The following MAD1L1 variants were observed in gnomAD, a reference collection of about 807,000 sequenced individuals.
MAD1L1 encodes mitotic spindle assembly checkpoint protein MAD1.
In MAD1L1, 95 loss-of-function variants were observed where a neutral mutation model predicts 96.9. That is an observed-to-expected ratio of 0.98 (90% confidence interval 0.83 to 1.16). The LOEUF is 1.16. Ranked by LOEUF, MAD1L1 falls within the 50% of genes most tolerant of loss-of-function variation. The pLI, the probability that MAD1L1 is intolerant of heterozygous loss-of-function variation, is 0.00. For missense variants in MAD1L1, 1,007 were observed against 954.4 expected (o/e 1.06, Z -0.73); for synonymous variants, 473 against 396.6 (o/e 1.19, Z -2.29).
At chr7:1,864,071 C>T (rs1006183445) in intron 18 of MAD1L1, among the ~76,000 whole-genome samples, 1 of 152,176 alleles carries the variant, frequency 6.6e-6, no homozygotes, top group African/African-American at 2.4e-5. Flanking sequence ...CCAGCCTGGG[C>T]CCCGAGGAAA....
chr7:1,924,746 C>G (rs1484270562), intron 17 of MAD1L1, among the ~76,000 whole-genome samples: 1 of 152,022 alleles, frequency 6.6e-6, no homozygotes, highest in Non-Finnish European at 1.5e-5. Context: ...CAGTTAAGAG[C>G]AAGAATTGTA....
Position 2,050,092 on chromosome 7 carries a change from AG to A in MAD1L1, c.1218+19101del, listed in dbSNP as rs1784103042. On this transcript the variant is annotated intron_variant, in intron 12 of 18. Coordinates refer to ENST00000265854, the MANE Select transcript of MAD1L1 (RefSeq NM_001013836.2). ...CACACGTTCACGGGGCACCTCACCC[AG>A]CGTCTGCGGGCACCAGACCACACGT... Among the ~76,000 whole-genome samples the A allele has an allele frequency of 2.4e-5, 3 of 125,976 alleles. 1 individual carries two copies. The highest frequency in any genetic ancestry group is 8.8e-5 in the African/African-American group (3 of 33,908). 82.6% of individuals were successfully genotyped at this position (125,976 alleles called of 152,430 possible). A position where few individuals can be genotyped will look rare whatever the true frequency, so the allele number is the denominator to read the frequency against.
At chr7:1,829,871 T>G (rs1222074991) in intron 18 of MAD1L1, among the ~76,000 whole-genome samples, 1 of 152,064 alleles carries the variant, frequency 6.6e-6, no homozygotes, top group Non-Finnish European at 1.5e-5. Context: ...AAGATGAGAA[T>G]GACAGCAGAC....
chr7:2,069,109 C>T, intron 12 of MAD1L1, 85 bp downstream of exon 12: 1 of 1,441,294 alleles, frequency 6.9e-7, no homozygotes, highest in East Asian at 2.6e-5. Context: ...AGCACTCCTG[C>T]CTCCACAGTG....
chr7:1,880,715 C>G (rs924594241), intron 18 of MAD1L1, among the ~76,000 whole-genome samples: 1 of 152,268 alleles, frequency 6.6e-6, no homozygotes, highest in African/African-American at 2.4e-5. Context: ...CAGCAGAAAG[C>G]ACCCGGCCCC....
intron 10 of MAD1L1, among the ~76,000 whole-genome samples, chr7:2,208,860 C>G (rs1049471445): frequency 6.6e-6 from 1 of 152,130 alleles, no homozygotes; most frequent in African/African-American, 2.4e-5. Flanking sequence ...GTAAGTCACT[C>G]CCCGAGACAG....
chr7:1,990,619 C>T (rs994049454), intron 14 of MAD1L1, among the ~76,000 whole-genome samples: 1 of 152,264 alleles, frequency 6.6e-6, no homozygotes, highest in African/African-American at 2.4e-5. Context: ...TGCACCGCCC[C>T]TGGGATGAGG....
At chr7:1,895,830 C>T (rs1049956936) in intron 18 of MAD1L1, among the ~76,000 whole-genome samples, 1 of 152,234 alleles carries the variant, frequency 6.6e-6, no homozygotes, top group African/African-American at 2.4e-5. Flanking sequence ...GGGCCTTGGG[C>T]CAGGACAGGC....
At chr7:1,901,698 T>A (rs1416354321) in intron 17 of MAD1L1, among the ~76,000 whole-genome samples, 6 of 152,148 alleles carry the variant, frequency 3.9e-5, no homozygotes, top group African/African-American at 1.4e-4. Flanking sequence ...TTTTAGGCCC[T>A]CTCCGCTGAC....
At chr7:2,015,007 G>T (rs934402137) in intron 12 of MAD1L1, among the ~76,000 whole-genome samples, 4 of 152,226 alleles carry the variant, frequency 2.6e-5, no homozygotes, top group African/African-American at 9.6e-5. Flanking sequence ...GGCGCACAGT[G>T]GGCAGAAGCC....
At chr7:1,903,353 A>C (rs1381975301) in intron 17 of MAD1L1, among the ~76,000 whole-genome samples, 1 of 150,748 alleles carries the variant, frequency 6.6e-6, no homozygotes, top group Non-Finnish European at 1.5e-5. Context: ...GGAACTCATG[A>C]TTGATGAAGC....
chr7:2,063,061 C>G (rs1340323590), intron 12 of MAD1L1, among the ~76,000 whole-genome samples: 1 of 152,222 alleles, frequency 6.6e-6, no homozygotes, highest in African/African-American at 2.4e-5. Flanking sequence ...AGGGACTGCT[C>G]TACGTTTAGA....
intron 18 of MAD1L1, among the ~76,000 whole-genome samples, chr7:1,829,967 G>A (rs1395553477): frequency 6.6e-6 from 1 of 152,166 alleles, no homozygotes; most frequent in East Asian, 1.9e-4. Flanking sequence ...TCTCCACCCA[G>A]TGGAAATATC....
chr7:1,977,240 CA>C, intron 15 of MAD1L1, among the ~76,000 whole-genome samples: 1 of 152,240 alleles, frequency 6.6e-6, no homozygotes, highest in Non-Finnish European at 1.5e-5. Flanking sequence ...TGGCGGGCTG[CA>C]GGTCCCAAGC....
At chr7:2,134,706 G>A (rs1379121076) in intron 11 of MAD1L1, among the ~76,000 whole-genome samples, 1 of 152,188 alleles carries the variant, frequency 6.6e-6, no homozygotes, top group Non-Finnish European at 1.5e-5. Context: ...AGCTGCACAC[G>A]TCTCTGGAGA....
chr7:2,042,901 G>A (rs60124165), intron 12 of MAD1L1, among the ~76,000 whole-genome samples: 43,392 of 96,652 alleles, frequency 0.45, 7,519 homozygotes, highest in East Asian at 0.62. Context: ...CCACGTCCAC[G>A]TCCACATCCA....
chr7:2,093,771 C>T (rs1786334207), intron 11 of MAD1L1, among the ~76,000 whole-genome samples: 1 of 152,154 alleles, frequency 6.6e-6, no homozygotes, highest in South Asian at 2.1e-4. Flanking sequence ...CGGGAGAGTC[C>T]ACAGCTGCGC....
At chr7:2,145,932 T>C (rs1789274810) in intron 11 of MAD1L1, among the ~76,000 whole-genome samples, 1 of 152,162 alleles carries the variant, frequency 6.6e-6, no homozygotes, top group Non-Finnish European at 1.5e-5. Flanking sequence ...ATGTGTCATG[T>C]TGGTGAAAGG....
chr7:2,013,641 G>A (rs1161028859), intron 13 of MAD1L1, among the ~76,000 whole-genome samples: 4 of 152,274 alleles, frequency 2.6e-5, no homozygotes, highest in African/African-American at 9.6e-5. Context: ...GTGTGCCAGC[G>A]AGGCCAGAAG....
Sources: allele counts gnomAD v4.1 joint callset (sites outside exome capture counted in the v4.1 genomes callset), GRCh38; gene constraint gnomAD v4.1.1; transcripts MANE v1.5; gene names NCBI Gene and HGNC (gene_info 2026-07-23, HGNC 2026-07-21).